RNF11: variants seen among roughly 807,000 people sequenced by gnomAD.
RNF11 encodes the protein ring finger protein 11.
A neutral mutation model predicts 15.8 loss-of-function variants in RNF11; 4 were observed. The ratio of observed to expected loss-of-function variants is 0.25; its 90% CI spans 0.12 to 0.58. The LOEUF (loss-of-function observed/expected upper bound fraction) is 0.58, where lower values mean the gene tolerates loss of function less well. RNF11 is among the 20% of genes least tolerant of loss of function. RNF11 has a pLI of 0.91. For synonymous variants in RNF11, 68 were observed against 72.3 expected (o/e 0.94, Z 0.30); for missense variants, 139 against 194.4 (o/e 0.71, Z 1.70).
At chr1:51,248,601 G>T (rs1336872018) in intron 1 of RNF11, among the ~76,000 whole-genome samples, 1 of 152,148 alleles carries the variant, frequency 6.6e-6, no homozygotes, top group East Asian at 1.9e-4. Flanking sequence ...TAAGGGATAA[G>T]ACATGAAGCA....
chr1:51,237,153 C>T (rs996031721), intron 1 of RNF11, among the ~76,000 whole-genome samples: 1 of 151,960 alleles, frequency 6.6e-6, no homozygotes, highest in African/African-American at 2.4e-5. Context: ...TCTGGTGGTT[C>T]GCTTGTGGAG....
chr1:51,262,654 C>CT (rs1436176227), intron 1 of RNF11, among the ~76,000 whole-genome samples: 1 of 148,848 alleles, frequency 6.7e-6, no homozygotes, highest in Non-Finnish European at 1.5e-5. Context: ...TCAAGCAGTT[C>CT]TTGTGCGTCA....
chr1:51,261,107 G>GT (rs545382455), intron 1 of RNF11, among the ~76,000 whole-genome samples: 534 of 151,972 alleles, frequency 3.5e-3, no homozygotes, highest in Non-Finnish European at 6.3e-3. Flanking sequence ...CCTAGATTTT[G>GT]TTTCTCAAAA....
chr1:51,251,359 T>A, intron 1 of RNF11: 6 of 1,506,534 alleles, frequency 4.0e-6, no homozygotes, highest in Non-Finnish European at 5.4e-6. Flanking sequence ...CGGCCCCGTC[T>A]ACGGCTGCGA....
intron 1 of RNF11, among the ~76,000 whole-genome samples, chr1:51,255,995 C>G (rs1646902657): frequency 6.6e-6 from 1 of 152,080 alleles, no homozygotes; most frequent in Non-Finnish European, 1.5e-5. Flanking sequence ...TCAATTTCTG[C>G]AAATGAGCCA....
At position 51,253,955 on chromosome 1, in the gene RNF11, G is replaced by A. The variant is rs181232832; in HGVS notation, c.124-16001G>A. 2.6e-5 allele frequency among the ~76,000 whole-genome samples: 4 copies of A among 151,586 alleles called. No individual in the cohort carries two copies. The East Asian group carries it at 5.8e-4, about 22-fold the overall frequency. ...TGGAGACTAGCCTGGACAACATAGT[G>A]AGGTCCCATCTCTAAAAAAAAAAAA... On this transcript the variant is annotated intron_variant, in intron 1 of 2. Coordinates refer to ENST00000242719, the MANE Select transcript of RNF11 (RefSeq NM_014372.5).
chr1:51,242,325 C>CTTTTTTTTTTT (rs57821900), intron 1 of RNF11, among the ~76,000 whole-genome samples: 2 of 131,142 alleles, frequency 1.5e-5, no homozygotes, highest in African/African-American at 5.7e-5. Context: ...TTCAAGATAC[C>CTTTTTTTTTTT]TTTTTTTTTT....
intron 1 of RNF11, among the ~76,000 whole-genome samples, chr1:51,244,373 G>C (rs545947481): frequency 2.0e-5 from 3 of 151,878 alleles, no homozygotes; most frequent in African/African-American, 7.2e-5. Context: ...TATATTTTTT[G>C]AATTTGTTTT....
rs1370132119 is a variant in RNF11, at chr1:51,236,940, G to A, written c.123+61G>A. ...GGCAGCTCTGGCGGAGATTGAGGGGGCTTCGGGGCCGTCTCTGCCCCTGGC... is the reference window on the plus strand; with the variant it reads ...GGCAGCTCTGGCGGAGATTGAGGGGACTTCGGGGCCGTCTCTGCCCCTGGC... On this transcript the variant is annotated intron_variant, in intron 1 of 2. Transcript: ENST00000242719. 1.9e-6 allele frequency: 3 copies of A among 1,544,626 alleles called. No individual in the cohort carries two copies. The African/African-American group carries it at 4.1e-5, about 21-fold the overall frequency.
intron 2 of RNF11, among the ~76,000 whole-genome samples, chr1:51,270,578 A>G (rs547148308): frequency 6.6e-6 from 1 of 152,342 alleles, no homozygotes; most frequent in South Asian, 2.1e-4. Flanking sequence ...AGAGAAAGTT[A>G]GTGTTAATGA....
chr1:51,255,936 T>C (rs1469407657), intron 1 of RNF11, among the ~76,000 whole-genome samples: 2 of 152,218 alleles, frequency 1.3e-5, no homozygotes, highest in Non-Finnish European at 2.9e-5. Context: ...AGGATTGTTA[T>C]GGCTATTCTT....
chr1:51,244,414 T>C (rs895160203), intron 1 of RNF11, among the ~76,000 whole-genome samples: 1 of 152,192 alleles, frequency 6.6e-6, no homozygotes, highest in African/African-American at 2.4e-5. Context: ...AGACGAAGTC[T>C]CGCTGTGTCA....
At chr1:51,271,086 A>T in intron 2 of RNF11, 65 bp from the exon 3 acceptor site, 1 of 1,350,866 alleles carries the variant, frequency 7.4e-7, no homozygotes, top group Non-Finnish European at 1.1e-6. Context: ...AATGGGATTT[A>T]AAGAGTTTTC....
intron 1 of RNF11, among the ~76,000 whole-genome samples, chr1:51,267,767 G>C (rs1465511520): frequency 6.6e-6 from 1 of 152,218 alleles, no homozygotes; most frequent in Non-Finnish European, 1.5e-5. Flanking sequence ...GTCTCTCTCT[G>C]TTGCCCAGGC....
intron 1 of RNF11, chr1:51,265,966 C>T (rs1018475454): frequency 2.0e-5 from 3 of 152,094 alleles, no homozygotes; most frequent in South Asian, 2.1e-4. Context: ...ATTCTCATGT[C>T]GCAGCCTCCA....
intron 1 of RNF11, among the ~76,000 whole-genome samples, chr1:51,249,624 T>TAA (rs113188617): frequency 0.021 from 3,201 of 152,344 alleles, 92 homozygotes; most frequent in African/African-American, 0.065. Flanking sequence ...TTTGTGTTCT[T>TAA]ACGTAATGGC....
chr1:51,254,342 C>T (rs989944145), intron 1 of RNF11, among the ~76,000 whole-genome samples: 1 of 152,074 alleles, frequency 6.6e-6, no homozygotes, highest in African/African-American at 2.4e-5. Flanking sequence ...GCCTGTAGTA[C>T]ATTGGCACGA....
At chr1:51,269,428 C>A (rs1646968932) in intron 1 of RNF11, among the ~76,000 whole-genome samples, 1 of 152,028 alleles carries the variant, frequency 6.6e-6, no homozygotes, top group Non-Finnish European at 1.5e-5. Context: ...GAGACCCTAT[C>A]TCAAAAAAAG....
chr1:51,264,012 G>C (rs1435672498), intron 1 of RNF11, among the ~76,000 whole-genome samples: 1 of 151,892 alleles, frequency 6.6e-6, no homozygotes, highest in Admixed American at 6.6e-5. Context: ...CCAGCACTTT[G>C]GAAGGCCAAG....
Sources: gnomAD v4.1 joint callset for allele counts (sites outside exome capture counted in the v4.1 genomes callset) on GRCh38, gnomAD v4.1.1 for gene constraint, MANE v1.5 for transcripts, NCBI Gene and HGNC (gene_info 2026-07-23, HGNC 2026-07-21) for gene names.